The following DAPK1 variants were observed in gnomAD, a reference collection of about 807,000 sequenced individuals.
The protein encoded by DAPK1 is death associated protein kinase 1.
A neutral mutation model predicts 144.9 loss-of-function variants in DAPK1; 56 were observed. The ratio of observed to expected loss-of-function variants is 0.39; its 90% CI spans 0.31 to 0.48. The LOEUF is 0.48. Among genes scored for constraint, DAPK1 ranks in the 20% least tolerant of loss-of-function variants. The probability of loss-of-function intolerance (pLI) is 0.95; values close to 1 mark genes in which losing one functional copy is unlikely to be tolerated. For synonymous variants in DAPK1, 690 were observed against 749.0 expected (o/e 0.92, Z 1.29); for missense variants, 1,454 against 1,875.4 (o/e 0.78, Z 4.15).
intron 2 of DAPK1, among the ~76,000 whole-genome samples, chr9:87,582,832 C>T (rs770298375): frequency 1.3e-5 from 2 of 152,066 alleles, no homozygotes; most frequent in Non-Finnish European, 2.9e-5. Flanking sequence ...GGATTACAGG[C>T]ATGAGCCACC....
intron 2 of DAPK1, among the ~76,000 whole-genome samples, chr9:87,519,981 T>C (rs1331837408): frequency 1.3e-5 from 2 of 151,274 alleles, no homozygotes; most frequent in Non-Finnish European, 2.9e-5. Flanking sequence ...TCTGAAATGC[T>C]GTGACTTTTT....
chr9:87,629,660 C>T (rs1030945247), intron 3 of DAPK1, among the ~76,000 whole-genome samples: 32 of 152,236 alleles, frequency 2.1e-4, no homozygotes, highest in African/African-American at 7.2e-4. Context: ...CAGGTGTGAA[C>T]CACCATGCCT....
At chr9:87,703,345 A>G (rs780507283) in intron 25 of DAPK1, 128 bp downstream of exon 25, 42 of 608,710 alleles carry the variant, frequency 6.9e-5, no homozygotes, top group Non-Finnish European at 1.2e-4. Context: ...CTAACCTACA[A>G]CATTTCCACA....
intron 19 of DAPK1, among the ~76,000 whole-genome samples, chr9:87,675,033 C>A (rs978069425): frequency 6.6e-6 from 1 of 152,042 alleles, no homozygotes; most frequent in Non-Finnish European, 1.5e-5. Flanking sequence ...GCCAAGAAAC[C>A]GATAAGAAAA....
At chr9:87,677,871 C>T (rs148501008) in intron 19 of DAPK1, among the ~76,000 whole-genome samples, 170 of 152,284 alleles carry the variant, frequency 1.1e-3, no homozygotes, top group African/African-American at 4.0e-3. Flanking sequence ...GCTCCAGGGT[C>T]GGTGGCAGCG....
intron 2 of DAPK1, among the ~76,000 whole-genome samples, chr9:87,506,647 G>T (rs1325951514): frequency 6.6e-6 from 1 of 152,200 alleles, no homozygotes; most frequent in African/African-American, 2.4e-5. Context: ...GTGATTGTTT[G>T]AGACTTTATG....
intron 2 of DAPK1, among the ~76,000 whole-genome samples, chr9:87,560,997 T>TA (rs1232434953): frequency 6.6e-6 from 1 of 152,230 alleles, no homozygotes; most frequent in Non-Finnish European, 1.5e-5. Context: ...GGCTGCATTC[T>TA]ATTCCATTAT....
intron 20 of DAPK1, among the ~76,000 whole-genome samples, chr9:87,685,420 C>A (rs1008338856): frequency 3.9e-5 from 6 of 152,234 alleles, no homozygotes; most frequent in African/African-American, 1.4e-4. Flanking sequence ...ATGGTCACTT[C>A]TTTAGTGCCT....
At chr9:87,613,283 G>T (rs546521262) in intron 3 of DAPK1, among the ~76,000 whole-genome samples, 2 of 152,152 alleles carry the variant, frequency 1.3e-5, no homozygotes, top group African/African-American at 4.8e-5. Context: ...TTAATTCTAT[G>T]CATATTGTTG....
chr9:87,644,799 C>T (rs566475605), intron 11 of DAPK1, among the ~76,000 whole-genome samples: 2 of 152,092 alleles, frequency 1.3e-5, no homozygotes, highest in African/African-American at 2.4e-5. Context: ...TGGAAAGATA[C>T]CCTCCCAGAG....
chr9:87,640,478 T>C, intron 8 of DAPK1, 28 bp downstream of exon 8: 3 of 1,609,560 alleles, frequency 1.9e-6, no homozygotes, highest in Admixed American at 1.7e-5. Context: ...TGAAAGGTGC[T>C]TGGCCACGGC....
intron 3 of DAPK1, among the ~76,000 whole-genome samples, chr9:87,635,283 C>T (rs752753949): frequency 2.6e-5 from 4 of 152,064 alleles, no homozygotes; most frequent in Non-Finnish European, 4.4e-5. Context: ...CAGCAGACTG[C>T]GCCAGCTGTG....
intron 15 of DAPK1, among the ~76,000 whole-genome samples, chr9:87,649,624 C>T (rs1830377755): frequency 6.6e-6 from 1 of 152,176 alleles, no homozygotes; most frequent in South Asian, 2.1e-4. Context: ...TTTCAACGGG[C>T]TCCCGAAAGT....
Position 87,499,113 on chromosome 9 carries a change from C to T in DAPK1, c.36C>T (p.Tyr12=), listed in dbSNP as rs1167382711. The change falls in exon 2 of 26, where the codon TAC becomes TAT. Residue 12 remains tyrosine, a synonymous_variant. Transcript: ENST00000408954. ...TVFRQENVDD[Y]YDTGEELGSG... ...TCAGGCAGGAAAACGTGGATGATTA[C>T]TACGACACCGGCGAGGAACTTGGCA... The T allele has an allele frequency of 6.2e-7, 1 of 1,613,916 alleles. No homozygotes were observed. Among genetic ancestry groups the T allele is most frequent in the Non-Finnish European group, 8.5e-7 (1 of 1,179,982 alleles).
intron 2 of DAPK1, among the ~76,000 whole-genome samples, chr9:87,504,690 A>T (rs1406038745): frequency 6.6e-6 from 1 of 152,182 alleles, no homozygotes; most frequent in Non-Finnish European, 1.5e-5. Context: ...TCCATGGCGG[A>T]TTAGTTCCAG....
At chr9:87,553,328 A>T (rs557232655) in intron 2 of DAPK1, 1 of 152,094 alleles carries the variant, frequency 6.6e-6, no homozygotes, top group East Asian at 1.9e-4. Flanking sequence ...ATGCTTCTTG[A>T]TAATTAATAT....
At chr9:87,560,410 T>C (rs1349894278) in intron 2 of DAPK1, among the ~76,000 whole-genome samples, 1 of 152,226 alleles carries the variant, frequency 6.6e-6, no homozygotes, top group Non-Finnish European at 1.5e-5. Context: ...TTGTGTCAGC[T>C]ATATCACATT....
At position 87,637,944 on chromosome 9, in the gene DAPK1, G is replaced by T. The variant is rs200255856; in HGVS notation, c.286G>T (p.Val96Phe). The change falls in exon 4 of 26, where the codon GTT (valine) becomes TTT (phenylalanine). Residue 96 changes from valine to phenylalanine, a missense_variant and splice_region_variant. Coordinates refer to ENST00000408954, the MANE Select transcript of DAPK1 (RefSeq NM_004938.4). ...KTDVILILEL[V>F]AGGELFDFLA... ...TAACCTCTGCTTCCGGGTTCTCAGC[G>T]TTGCAGGTGGCGAGCTGTTTGACTT... 1.3e-4 allele frequency: 207 copies of T among 1,613,444 alleles called. No individual in the cohort carries two copies. The highest frequency in any genetic ancestry group is 2.7e-5 in the African/African-American group (2 of 74,920).
intron 2 of DAPK1, among the ~76,000 whole-genome samples, chr9:87,537,523 A>G (rs1430091120): frequency 2.0e-5 from 3 of 151,992 alleles, no homozygotes; most frequent in African/African-American, 7.3e-5. Context: ...TGTGACATAC[A>G]TGGTGTATGT....
Sources: allele counts gnomAD v4.1 joint callset (sites outside exome capture counted in the v4.1 genomes callset), GRCh38; gene constraint gnomAD v4.1.1; transcripts MANE v1.5; gene names NCBI Gene and HGNC (gene_info 2026-07-23, HGNC 2026-07-21).